SIPA1L1: variants seen among roughly 807,000 people sequenced by gnomAD.
SIPA1L1 encodes the protein signal-induced proliferation-associated 1-like protein 1.
A neutral mutation model predicts 162.7 loss-of-function variants in SIPA1L1; 26 were observed. The observed-to-expected ratio is 0.16, with a 90% CI of 0.12 to 0.22. The LOEUF is 0.22. Ranked by LOEUF, SIPA1L1 falls within the 10% of genes least tolerant of loss-of-function variation. The pLI, the probability that SIPA1L1 is intolerant of heterozygous loss-of-function variation, is 1.00. For synonymous variants in SIPA1L1, 829 were observed against 837.4 expected (o/e 0.99, Z 0.17); for missense variants, 1,874 against 2,241.0 (o/e 0.84, Z 3.31).
chr14:71,451,433 A>G (rs2045811516), intron 2 of SIPA1L1, among the ~76,000 whole-genome samples: 1 of 152,072 alleles, frequency 6.6e-6, no homozygotes, highest in Non-Finnish European at 1.5e-5. Context: ...CTGGGGTTCA[A>G]AACCAGCCTG....
At chr14:71,707,131 G>A (rs549083305) in intron 16 of SIPA1L1, among the ~76,000 whole-genome samples, 81 of 149,802 alleles carry the variant, frequency 5.4e-4, no homozygotes, top group African/African-American at 1.8e-3. Flanking sequence ...ACACACACAC[G>A]CACGCACACA....
chr14:71,625,075 A>G (rs554115188), intron 7 of SIPA1L1, among the ~76,000 whole-genome samples: 58 of 152,222 alleles, frequency 3.8e-4, no homozygotes, highest in African/African-American at 1.4e-3. Flanking sequence ...TGGTTCAGGT[A>G]GTTTATTTAT....
In SIPA1L1 at chr14:71,671,475, C is replaced by T; in HGVS notation, c.2612C>T (p.Ala871Val). 6.2e-7 allele frequency: 1 copy of T among 1,614,076 alleles called. No individual in the cohort carries two copies. Among genetic ancestry groups the T allele is most frequent in the Non-Finnish European group, 8.5e-7 (1 of 1,179,984 alleles). ...GTCCGGGCTGAAGACTACAACAAGG[C>T]CATGGAACTAGACTGCCTTTTAGGG... ...WAVRAEDYNKAMELDCLLGIS... is the reference protein window; with the variant it reads ...WAVRAEDYNKVMELDCLLGIS... Residue 871 changes from alanine to valine, a missense_variant, in exon 11 of 24, where the codon GCC (alanine) becomes GTC (valine). Ala to Val is a moderately conservative substitution (Grantham distance 64, BLOSUM62 0). Transcript: ENST00000381232.
At chr14:71,617,886 G>A (rs1169654548) in intron 5 of SIPA1L1, among the ~76,000 whole-genome samples, 2 of 152,112 alleles carry the variant, frequency 1.3e-5, no homozygotes, top group African/African-American at 4.8e-5. Context: ...TTCATGTTTT[G>A]TGGACTTCCT....
rs1394506434 is a variant in SIPA1L1, at chr14:71,421,469, T to G, written c.-464-91274T>G. ...AAAAAGGTAGGCAGGTATGGTGGTG[T>G]TTGCTTGTAGTCCCAGCTTCTTGGG... On this transcript the variant is annotated intron_variant, in intron 2 of 23. Transcript: ENST00000381232. Among the ~76,000 whole-genome samples the G allele has an allele frequency of 2.6e-5, 4 of 151,844 alleles. No homozygotes were observed. The East Asian group carries it at 5.8e-4, about 22-fold the overall frequency.
intron 2 of SIPA1L1, among the ~76,000 whole-genome samples, chr14:71,408,728 A>T (rs2042200797): frequency 6.6e-6 from 1 of 152,156 alleles, no homozygotes; most frequent in South Asian, 2.1e-4. Context: ...TACAGTAGGA[A>T]TCTCTTCCTT....
At chr14:71,544,238 G>GTA (rs570938815) in intron 4 of SIPA1L1, among the ~76,000 whole-genome samples, 159 of 143,308 alleles carry the variant, frequency 1.1e-3, no homozygotes, top group African/African-American at 3.8e-3. Context: ...TATCATGTAT[G>GTA]TATACACATA....
intron 2 of SIPA1L1, among the ~76,000 whole-genome samples, chr14:71,329,325 T>A (rs1030668809): frequency 2.0e-5 from 3 of 152,104 alleles, no homozygotes; most frequent in Admixed American, 6.5e-5. Flanking sequence ...TTGAGGAACC[T>A]CCATACTGTT....
At position 71,733,805 on chromosome 14, in the gene SIPA1L1, C is replaced by T; in HGVS notation, c.5001C>T (p.Ala1667=). 1.2e-6 allele frequency: 2 copies of T among 1,612,292 alleles called. No individual in the cohort carries two copies. Among genetic ancestry groups the T allele is most frequent in the Non-Finnish European group, 1.7e-6 (2 of 1,179,864 alleles). Residue 1667 remains alanine, a synonymous_variant, in exon 21 of 24, where the codon GCC becomes GCT. Transcript: ENST00000381232. Reference sequence around the variant, plus strand: ...CCAACCTGGTAGATGCTGCCAAAGCCTATGAGGGTGAGTCCACTGAATCCA... The same window carrying T: ...CCAACCTGGTAGATGCTGCCAAAGCTTATGAGGGTGAGTCCACTGAATCCA... ...DWSNLVDAAK[A]YEVQRASFFA...
intron 2 of SIPA1L1, among the ~76,000 whole-genome samples, chr14:71,389,894 G>A (rs528853622): frequency 2.6e-5 from 4 of 152,212 alleles, no homozygotes; most frequent in South Asian, 2.1e-4. Flanking sequence ...AATATCCAGC[G>A]GACAAGTGCA....
At chr14:71,658,507 T>C (rs1349497915) in intron 9 of SIPA1L1, 71 bp downstream of exon 9, 1 of 1,007,268 alleles carries the variant, frequency 9.9e-7, no homozygotes, top group Non-Finnish European at 1.6e-6. Context: ...GTGGCAAGTT[T>C]GTAAAATCTT....
chr14:71,488,874 A>G (rs556040813), intron 2 of SIPA1L1, among the ~76,000 whole-genome samples: 40 of 152,286 alleles, frequency 2.6e-4, no homozygotes, highest in African/African-American at 9.4e-4. Flanking sequence ...TATACTGAGC[A>G]CTCGGAAATT....
intron 4 of SIPA1L1, among the ~76,000 whole-genome samples, chr14:71,545,413 G>T (rs1567184259): frequency 6.6e-6 from 1 of 152,114 alleles, no homozygotes; most frequent in Admixed American, 6.5e-5. Context: ...TCTTTCATTA[G>T]ATATAGATTT....
At chr14:71,656,071 G>C (rs2149166809) in intron 8 of SIPA1L1, among the ~76,000 whole-genome samples, 1 of 152,118 alleles carries the variant, frequency 6.6e-6, no homozygotes, top group Middle Eastern at 3.4e-3. Flanking sequence ...TTTAGCCCTA[G>C]TTTCATCTCT....
intron 5 of SIPA1L1, among the ~76,000 whole-genome samples, chr14:71,609,989 A>G (rs898138438): frequency 3.0e-4 from 46 of 152,246 alleles, no homozygotes; most frequent in African/African-American, 1.1e-3. Context: ...ATTTTGAGAT[A>G]TAGTAATGGA....
chr14:71,542,554 C>G (rs1015155023), intron 4 of SIPA1L1, among the ~76,000 whole-genome samples: 6 of 146,514 alleles, frequency 4.1e-5, no homozygotes, highest in Admixed American at 6.8e-5. Context: ...CTTCCTCCTC[C>G]TCCTCTTCCT....
At chr14:71,481,009 C>G (rs1231614352) in intron 2 of SIPA1L1, among the ~76,000 whole-genome samples, 1 of 152,044 alleles carries the variant, frequency 6.6e-6, no homozygotes, top group Non-Finnish European at 1.5e-5. Context: ...AGAAATGCAC[C>G]CAGGACACCT....
chr14:71,729,971 T>G, intron 19 of SIPA1L1, 84 bp from the exon 20 acceptor site: 1 of 1,477,512 alleles, frequency 6.8e-7, no homozygotes, highest in Non-Finnish European at 9.3e-7. Context: ...AGCAGTAACT[T>G]GGTTATCCCA....
intron 14 of SIPA1L1, among the ~76,000 whole-genome samples, chr14:71,699,603 C>T (rs1181515129): frequency 6.6e-6 from 1 of 151,990 alleles, no homozygotes; most frequent in Non-Finnish European, 1.5e-5. Context: ...AAGAGAGGGC[C>T]CCGGTAAATG....
Sources: gnomAD v4.1 joint callset for allele counts (sites outside exome capture counted in the v4.1 genomes callset) on GRCh38, gnomAD v4.1.1 for gene constraint, MANE v1.5 for transcripts, NCBI Gene and HGNC (gene_info 2026-07-23, HGNC 2026-07-21) for gene names.